The following SNX29 variants were observed in gnomAD, a reference collection of about 807,000 sequenced individuals.
The protein encoded by SNX29 is sorting nexin-29.
A neutral mutation model predicts 102.1 loss-of-function variants in SNX29; 78 were observed. That is an observed-to-expected ratio of 0.76 (90% CI 0.64 to 0.92). SNX29 has a LOEUF of 0.92. Among genes scored for constraint, SNX29 ranks in the 40% least tolerant of loss-of-function variants. SNX29 has a pLI of 0.00. For missense variants in SNX29, 1,280 were observed against 1,061.7 expected (o/e 1.21, Z -2.86); for synonymous variants, 580 against 414.5 (o/e 1.40, Z -4.85).
intron 20 of SNX29, among the ~76,000 whole-genome samples, chr16:12,558,556 A>G (rs887182159): frequency 2.0e-5 from 3 of 152,216 alleles, no homozygotes; most frequent in African/African-American, 7.2e-5. Context: ...CATGCCTCTC[A>G]GTACCCCGTC....
chr16:12,101,864 C>G (rs2053035722), intron 11 of SNX29, among the ~76,000 whole-genome samples: 1 of 151,924 alleles, frequency 6.6e-6, no homozygotes, highest in Admixed American at 6.6e-5. Flanking sequence ...TTTGCTGCAC[C>G]CATCAGCCCG....
intron 11 of SNX29, among the ~76,000 whole-genome samples, chr16:12,092,572 G>T (rs368060017): frequency 6.6e-6 from 1 of 152,184 alleles, no homozygotes; most frequent in South Asian, 2.1e-4. Context: ...CTCAGTGAAT[G>T]GGAACACTTG....
In SNX29 at chr16:12,206,174, C is replaced by T. The variant is rs541028777; in HGVS notation, c.1678+6491C>T. Among the ~76,000 whole-genome samples the T allele has an allele frequency of 1.7e-4, 26 of 152,312 alleles. No homozygotes were observed. The South Asian group carries it at 3.3e-3, about 19-fold the overall frequency. Reference sequence around the variant, plus strand: ...CCTGCCCTGGTTGTGTCATTCAGAGCTCTTGTGATGACAGGAGTCATACAA... The same window carrying T: ...CCTGCCCTGGTTGTGTCATTCAGAGTTCTTGTGATGACAGGAGTCATACAA... On this transcript the variant is annotated intron_variant, in intron 14 of 20. Transcript: ENST00000566228.
chr16:12,067,786 C>T (rs777682215), intron 9 of SNX29, among the ~76,000 whole-genome samples: 5 of 152,174 alleles, frequency 3.3e-5, no homozygotes, highest in Admixed American at 1.3e-4. Context: ...CCGCGCCTGG[C>T]CCAAGAAGTT....
At chr16:12,533,693 C>T (rs1249509713) in intron 20 of SNX29, among the ~76,000 whole-genome samples, 3 of 152,174 alleles carry the variant, frequency 2.0e-5, no homozygotes, top group African/African-American at 7.2e-5. Context: ...CCTCTGTCGA[C>T]TGGATGCCTT....
chr16:12,318,929 A>G (rs897699885), intron 15 of SNX29, among the ~76,000 whole-genome samples: 1 of 152,054 alleles, frequency 6.6e-6, no homozygotes, highest in Non-Finnish European at 1.5e-5. Flanking sequence ...CTTAATCTAA[A>G]TGGGTCCAGG....
chr16:12,428,256 G>A (rs2085163685), intron 18 of SNX29, among the ~76,000 whole-genome samples: 1 of 152,166 alleles, frequency 6.6e-6, no homozygotes, highest in African/African-American at 2.4e-5. Context: ...AGTATAAAAT[G>A]TAATTATTCT....
chr16:12,552,827 C>T (rs1342881895), intron 20 of SNX29, among the ~76,000 whole-genome samples: 2 of 152,184 alleles, frequency 1.3e-5, no homozygotes, highest in Non-Finnish European at 2.9e-5. Context: ...CAGTGTGACA[C>T]CTGACCTGCC....
At position 12,570,986 on chromosome 16, in the gene SNX29, G is replaced by A. The variant is rs895038772; in HGVS notation, c.*2357G>A. 4.3e-6 allele frequency: 1 copy of A among 232,376 alleles called. No individual in the cohort carries two copies. Among genetic ancestry groups the A allele is most frequent in the African/African-American group, 2.2e-5 (1 of 45,292 alleles). The allele number at this position is 232,376 out of a possible 1,614,324, so 14.4% of individuals were successfully genotyped here. ...TGCCTGCTCCTGGTACCTCCCCCATGATCATGCACAGACCGTAGAGTCGAG... is the reference window on the plus strand; with the variant it reads ...TGCCTGCTCCTGGTACCTCCCCCATAATCATGCACAGACCGTAGAGTCGAG... On this transcript the variant is annotated 3_prime_UTR_variant, in exon 21 of 21. Transcript: ENST00000566228.
rs1460287237 is a variant in SNX29 at position 12,561,114 on chromosome 16, A to AC, written c.2319-7389dup. 15 of 227,578 alleles carry AC rather than the reference A, an allele frequency of 6.6e-5. No homozygotes were observed. The Admixed American group carries it at 8.5e-4, about 13-fold the overall frequency. The allele number at this position is 227,578 out of a possible 1,614,324, so 14.1% of individuals were successfully genotyped here. On this transcript the variant is annotated intron_variant, in intron 20 of 20. Coordinates refer to ENST00000566228, the MANE Select transcript of SNX29 (RefSeq NM_032167.5). ...ACAGTGGAATTAGATTTCACGGGGC[A>AC]CCCATCACGCAGTCCTGAGGCCCAG... is the stretch of plus-strand genomic sequence containing the variant.
intron 14 of SNX29, among the ~76,000 whole-genome samples, chr16:12,275,644 C>T (rs979109409): frequency 6.6e-6 from 1 of 151,190 alleles, no homozygotes; most frequent in African/African-American, 2.4e-5. Flanking sequence ...AGTCATCTAC[C>T]TGATTCTTAG....
intron 18 of SNX29, among the ~76,000 whole-genome samples, chr16:12,451,653 G>T (rs113926651): frequency 3.7e-4 from 56 of 152,294 alleles, no homozygotes; most frequent in African/African-American, 1.3e-3. Flanking sequence ...CATGAGGTCA[G>T]GAGATCAAGA....
intron 19 of SNX29, among the ~76,000 whole-genome samples, chr16:12,495,624 G>A (rs993138982): frequency 6.6e-6 from 1 of 152,196 alleles, no homozygotes; most frequent in African/African-American, 2.4e-5. Flanking sequence ...GCTGGCCGGC[G>A]GAGCCATTGA....
chr16:12,471,399 A>G lies in SNX29; in HGVS notation c.2038-6320A>G, dbSNP rs140165932. On this transcript the variant is annotated intron_variant, in intron 18 of 20. Transcript: ENST00000566228. ...TTCCAAAGACTTAGCCTCTAGCACT[A>G]TCTTCATTTATCCAAATAGAGACTC... Among the ~76,000 whole-genome samples, 131 of 152,340 alleles carry G rather than the reference A, an allele frequency of 8.6e-4. 1 individual carries two copies. Among genetic ancestry groups the G allele is most frequent in the African/African-American group, 3.0e-3 (123 of 41,594 alleles).
chr16:12,372,775 A>T (rs188417847), intron 16 of SNX29: 50 of 152,284 alleles, frequency 3.3e-4, no homozygotes, highest in African/African-American at 1.2e-3. Flanking sequence ...AGGCAGCGGG[A>T]ATGGTGGTAT....
intron 14 of SNX29, among the ~76,000 whole-genome samples, chr16:12,206,328 C>G (rs1035510356): frequency 2.0e-5 from 3 of 149,192 alleles, no homozygotes; most frequent in African/African-American, 7.4e-5. Flanking sequence ...TTTCTCAACT[C>G]CAATTTTTTT....
At position 12,107,650 on chromosome 16, in the gene SNX29, A is replaced by G. The variant is rs1055283373; in HGVS notation, c.1403-18983A>G. ...GACTCTGCCTCAAAAAACAAAAACAAAAACAAAAAAAAGAGGAGTTGCTGG... is the reference window on the plus strand; with the variant it reads ...GACTCTGCCTCAAAAAACAAAAACAGAAACAAAAAAAAGAGGAGTTGCTGG... On this transcript the variant is annotated intron_variant, in intron 11 of 20. Coordinates refer to ENST00000566228, the MANE Select transcript of SNX29 (RefSeq NM_032167.5). Among the ~76,000 whole-genome samples the G allele has an allele frequency of 2.6e-5, 4 of 152,154 alleles. 1 individual carries two copies. The highest frequency in any genetic ancestry group is 6.5e-5 in the Admixed American group (1 of 15,276).
intron 16 of SNX29, among the ~76,000 whole-genome samples, chr16:12,361,944 T>C (rs775118497): frequency 1.4e-5 from 2 of 138,578 alleles, no homozygotes; most frequent in African/African-American, 6.0e-5. Flanking sequence ...AGTACACCGC[T>C]TTATTGCGCC....
At chr16:12,195,702 C>T (rs1479255768) in intron 13 of SNX29, among the ~76,000 whole-genome samples, 2 of 152,160 alleles carry the variant, frequency 1.3e-5, no homozygotes, top group Non-Finnish European at 2.9e-5. Context: ...ATTCGCTAAA[C>T]GTGTATAATG....
Sources: gnomAD v4.1 joint callset for allele counts (sites outside exome capture counted in the v4.1 genomes callset) on GRCh38, gnomAD v4.1.1 for gene constraint, MANE v1.5 for transcripts, NCBI Gene and HGNC (gene_info 2026-07-23, HGNC 2026-07-21) for gene names.